The following TRPC7 variants were observed in gnomAD, a reference collection of about 807,000 sequenced individuals.
TRPC7 encodes the protein short transient receptor potential channel 7.
In TRPC7, 42 loss-of-function variants were observed where a neutral mutation model predicts 90.1. The observed-to-expected ratio is 0.47, with a 90% CI of 0.36 to 0.60. TRPC7 has a LOEUF of 0.60. Among genes scored for constraint, TRPC7 ranks in the 20% least tolerant of loss-of-function variants. TRPC7 has a pLI of 0.00. For missense variants in TRPC7, 955 were observed against 1,112.3 expected (o/e 0.86, Z 2.01); for synonymous variants, 451 against 436.3 (o/e 1.03, Z -0.42).
At chr5:136,226,292 G>T in intron 8 of TRPC7, 37 bp from the exon 9 acceptor site, 17 of 1,489,654 alleles carry the variant, frequency 1.1e-5, no homozygotes, top group Non-Finnish European at 1.6e-5. Context: ...ACCCTCAAAG[G>T]CCACGATTTA....
chr5:136,296,618 C>T (rs985703365), intron 3 of TRPC7, among the ~76,000 whole-genome samples: 4 of 152,070 alleles, frequency 2.6e-5, no homozygotes, highest in African/African-American at 9.7e-5. Flanking sequence ...ATTCTACTGC[C>T]AGGTGGATCA....
chr5:136,314,408 G>A (rs1758938331), intron 3 of TRPC7: 2 of 152,160 alleles, frequency 1.3e-5, no homozygotes, highest in Admixed American at 1.3e-4. Flanking sequence ...AAATAGTATT[G>A]TACTGTACTT....
At chr5:136,289,696 C>T (rs921963790) in intron 3 of TRPC7, among the ~76,000 whole-genome samples, 1 of 152,238 alleles carries the variant, frequency 6.6e-6, no homozygotes, top group East Asian at 1.9e-4. Flanking sequence ...CTGCCTGCCT[C>T]TGTAGGCTCC....
intron 3 of TRPC7, among the ~76,000 whole-genome samples, chr5:136,276,301 C>T (rs113822050): frequency 8.1e-4 from 124 of 152,282 alleles, no homozygotes; most frequent in African/African-American, 2.8e-3. Context: ...TGGCTGGACA[C>T]TATGGACTAG....
intron 3 of TRPC7, among the ~76,000 whole-genome samples, chr5:136,281,009 G>A (rs990242637): frequency 6.6e-6 from 1 of 152,156 alleles, no homozygotes; most frequent in South Asian, 2.1e-4. Context: ...ATCAAAGATA[G>A]CATTTTGAAC....
In TRPC7 at chr5:136,296,306, C is replaced by G. The variant is rs147335925; in HGVS notation, c.963+19291G>C. On this transcript the variant is annotated intron_variant, in intron 3 of 11. Transcript: ENST00000513104. ...CAGTGCTTGCAAAGTGCAGATGAAACCAGGTCATTCTTATACCACTGGTGG... is the reference window on the plus strand; with the variant it reads ...CAGTGCTTGCAAAGTGCAGATGAAAGCAGGTCATTCTTATACCACTGGTGG... Among the ~76,000 whole-genome samples the G allele has an allele frequency of 3.4e-3, 517 of 152,200 alleles. 1 individual carries two copies. Among genetic ancestry groups the G allele is most frequent in the African/African-American group, 0.011 (476 of 41,520 alleles).
chr5:136,241,093 T>C (rs191353661), intron 7 of TRPC7, among the ~76,000 whole-genome samples: 2 of 152,264 alleles, frequency 1.3e-5, no homozygotes, highest in African/African-American at 4.8e-5. Context: ...CAAGGACAAG[T>C]TGGGTGGGGC....
rs563384152 is a variant in TRPC7, at chr5:136,271,332, T to G, written c.1128+3341A>C. ...ACAGGTAATAGACAAGGTCAGCTTC[T>G]CCTTCCCTGTTATAATTAAAACTGG... is the stretch of plus-strand genomic sequence containing the variant. On this transcript the variant is annotated intron_variant, in intron 4 of 11. Coordinates refer to ENST00000513104, the MANE Select transcript of TRPC7 (RefSeq NM_020389.3). Among the ~76,000 whole-genome samples, 7 of 152,364 alleles carry G rather than the reference T, an allele frequency of 4.6e-5. No individual in the cohort carries two copies. The South Asian group carries it at 1.4e-3, about 32-fold the overall frequency.
At chr5:136,240,592 T>G (rs1756130803) in intron 7 of TRPC7, among the ~76,000 whole-genome samples, 1 of 152,180 alleles carries the variant, frequency 6.6e-6, no homozygotes. Flanking sequence ...TATGCTCTTT[T>G]TCAGAATTTA....
chr5:136,241,644 C>G (rs182476579), intron 7 of TRPC7, among the ~76,000 whole-genome samples: 1 of 152,284 alleles, frequency 6.6e-6, no homozygotes, highest in East Asian at 1.9e-4. Context: ...CAACCTCCGC[C>G]TCCCAGGTTC....
intron 2 of TRPC7, among the ~76,000 whole-genome samples, chr5:136,355,536 C>T (rs544120590): frequency 3.5e-4 from 54 of 152,290 alleles, no homozygotes; most frequent in Middle Eastern, 3.4e-3. Flanking sequence ...TGGTGGCTCA[C>T]GCCTATAATC....
chr5:136,278,712 G>T (rs1328787713), intron 3 of TRPC7, among the ~76,000 whole-genome samples: 3 of 152,136 alleles, frequency 2.0e-5, no homozygotes, highest in South Asian at 2.1e-4. Context: ...AGCTCAAGGG[G>T]ATTTTGGGCT....
chr5:136,262,401 G>T (rs893935460), intron 5 of TRPC7, among the ~76,000 whole-genome samples: 2 of 152,110 alleles, frequency 1.3e-5, no homozygotes, highest in Non-Finnish European at 2.9e-5. Context: ...CTTCTGCCTG[G>T]AATGCTTTTC....
At chr5:136,363,960 T>G (rs1760646449) in intron 1 of TRPC7, among the ~76,000 whole-genome samples, 1 of 152,228 alleles carries the variant, frequency 6.6e-6, no homozygotes, top group Admixed American at 6.5e-5. Flanking sequence ...AAAAAGATTT[T>G]TCTTGAAATA....
chr5:136,328,240 G>C (rs1026683845), intron 2 of TRPC7, among the ~76,000 whole-genome samples: 5 of 152,158 alleles, frequency 3.3e-5, no homozygotes, highest in African/African-American at 1.2e-4. Context: ...AGAGTCCAGG[G>C]TTCTGCCCCA....
chr5:136,247,594 C>G lies in TRPC7; in HGVS notation c.1721G>C (p.Arg574Thr). Residue 574 changes from arginine (R) to threonine (T), a missense_variant, in exon 7 of 12, where the codon AGA (arginine) becomes ACA (threonine). Coordinates refer to ENST00000513104, the MANE Select transcript of TRPC7 (RefSeq NM_020389.3). The surrounding 1 kb of genome is among the most constrained non-coding windows in gnomAD (Gnocchi z 4.2). ...SFGPLQISLG[R>T]TVKDIFKFMV... ...GAACTTGAAGATATCTTTCACAGTT[C>G]TCCCTAGCGAGATCTGCAGGGGCCC... 6.2e-7 allele frequency: 1 copy of G among 1,613,990 alleles called. No homozygotes were observed. Among genetic ancestry groups the G allele is most frequent in the East Asian group, 2.2e-5 (1 of 44,876 alleles).
At chr5:136,229,541 G>T (rs941749818) in intron 8 of TRPC7, among the ~76,000 whole-genome samples, 4 of 152,126 alleles carry the variant, frequency 2.6e-5, no homozygotes, top group African/African-American at 7.2e-5. Context: ...CGAGGATGGG[G>T]CCCCGATCTT....
chr5:136,238,380 G>T (rs78562303), intron 7 of TRPC7, among the ~76,000 whole-genome samples: 1 of 152,142 alleles, frequency 6.6e-6, no homozygotes, highest in Non-Finnish European at 1.5e-5. Context: ...GCTTGTAGCT[G>T]GGGGGAGGGG....
chr5:136,247,655 G>A lies in TRPC7; in HGVS notation c.1660C>T (p.Arg554Cys), dbSNP rs745989586. Residue 554 changes from arginine (R) to cysteine (C), a missense_variant, in exon 7 of 12, where the codon CGC becomes TGC. Arg to Cys is a radical substitution (Grantham distance 180). This residue lies in a region of TRPC7 where 296 missense variants were observed against 422.7 expected (regional missense o/e 0.70). Coordinates refer to ENST00000513104, the MANE Select transcript of TRPC7 (RefSeq NM_020389.3). The surrounding 1 kb of genome is among the most constrained non-coding windows in gnomAD (Gnocchi z 4.2). ...YAIAVVLSFS[R>C]IAYILPANES... ...TTGGCTGGCAGAATGTATGCAATGC[G>A]AGAGAAGCTCAGCACGACGGCTATC... The A allele has an allele frequency of 5.0e-6, 8 of 1,613,854 alleles. No homozygotes were observed. The highest frequency in any genetic ancestry group is 6.8e-6 in the Non-Finnish European group (8 of 1,179,884).
Sources: allele counts gnomAD v4.1 joint callset (sites outside exome capture counted in the v4.1 genomes callset), GRCh38; gene constraint gnomAD v4.1.1; regional missense constraint gnomAD v4.1.1; non-coding constraint Gnocchi (gnomAD v3.1); transcripts MANE v1.5; gene names NCBI Gene and HGNC (gene_info 2026-07-23, HGNC 2026-07-21).